SLC4A7: variants seen among roughly 807,000 people sequenced by gnomAD.
The protein encoded by SLC4A7 is sodium bicarbonate cotransporter 3.
In SLC4A7, 51 loss-of-function variants were observed where a neutral mutation model predicts 137.6. The ratio of observed to expected loss-of-function variants is 0.37; its 90% confidence interval spans 0.30 to 0.47. SLC4A7 has a LOEUF of 0.47. SLC4A7 is among the 20% of genes least tolerant of loss of function. The pLI, the probability that SLC4A7 is intolerant of heterozygous loss-of-function variation, is 1.00. For missense variants in SLC4A7, 1,247 were observed against 1,525.4 expected, an observed-to-expected ratio of 0.82 and a Z score of 3.04; for synonymous variants, 542 against 518.6, an observed-to-expected ratio of 1.05 and a Z score of -0.61.
At position 27,451,517 on chromosome 3, in the gene SLC4A7, C is replaced by T. The variant is rs552058460; in HGVS notation, c.142+900G>A. Among the ~76,000 whole-genome samples the T allele has an allele frequency of 6.6e-5, 10 of 152,112 alleles. No individual in the cohort carries two copies. The South Asian group carries it at 1.9e-3, about 28-fold the overall frequency. ...ACTCATGCCAAAACATCAGACTAAA[C>T]CCAAACTGAGAAACACTGTACAAAA... On this transcript the variant is annotated intron_variant, in intron 2 of 25. Transcript: ENST00000454389.
chr3:27,419,091 A>G (rs1423521776), intron 10 of SLC4A7, among the ~76,000 whole-genome samples: 3 of 152,204 alleles, frequency 2.0e-5, no homozygotes, highest in African/African-American at 4.8e-5. Flanking sequence ...GGATAATGCA[A>G]TGGTGACAGG....
chr3:27,401,301 T>C (rs1171623208), intron 15 of SLC4A7, among the ~76,000 whole-genome samples: 1 of 152,084 alleles, frequency 6.6e-6, no homozygotes, highest in Non-Finnish European at 1.5e-5. Flanking sequence ...CCCTACCTAC[T>C]CACAGTCACC....
chr3:27,441,900 C>CT (rs527582749), intron 3 of SLC4A7, among the ~76,000 whole-genome samples: 432 of 144,302 alleles, frequency 3.0e-3, no homozygotes, highest in African/African-American at 5.5e-3. Context: ...ATTAGTTTGA[C>CT]TTTTTTTTTT....
intron 7 of SLC4A7, among the ~76,000 whole-genome samples, chr3:27,425,262 T>G (rs2055438479): frequency 6.7e-6 from 1 of 149,792 alleles, no homozygotes; most frequent in South Asian, 2.1e-4. Flanking sequence ...CCCAGCTATT[T>G]GGGAGGTTGA....
chr3:27,381,855 G>A (rs1407906888), intron 24 of SLC4A7, among the ~76,000 whole-genome samples: 2 of 152,164 alleles, frequency 1.3e-5, no homozygotes, highest in East Asian at 1.9e-4. Flanking sequence ...GGAGGCCAAG[G>A]CAGGCGGATC....
intron 18 of SLC4A7, 152 bp downstream of exon 18, chr3:27,397,532 T>C (rs2052315526): frequency 1.7e-6 from 1 of 584,098 alleles, no homozygotes. Context: ...TATATACATA[T>C]GAAAAACACA....
intron 24 of SLC4A7, among the ~76,000 whole-genome samples, chr3:27,380,731 G>T (rs957420936): frequency 6.6e-6 from 1 of 152,126 alleles, no homozygotes; most frequent in Non-Finnish European, 1.5e-5. Flanking sequence ...TCTATGAATG[G>T]CTTCTTTACC....
chr3:27,421,747 C>G lies in SLC4A7; in HGVS notation c.1299G>C (p.Thr433=), dbSNP rs746878652. 14 of 1,612,728 alleles carry G rather than the reference C, an allele frequency of 8.7e-6. No homozygotes were observed. The highest frequency in any genetic ancestry group is 1.2e-5 in the Non-Finnish European group (14 of 1,179,198). The change falls in exon 9 of 26, where the codon ACG becomes ACC. Residue 433 remains threonine (T), a synonymous_variant. Coordinates refer to ENST00000454389, the MANE Select transcript of SLC4A7 (RefSeq NM_001321103.2). The part of the protein sequence containing the change: ...VDMNFMRKIP[T]GAEASNVLVG... Reference sequence around the variant, plus strand: ...CCAGGACGTTGGATGCCTCAGCACCCGTAGGAATTTTTCTCATGAAATTCA... The same window carrying G: ...CCAGGACGTTGGATGCCTCAGCACCGGTAGGAATTTTTCTCATGAAATTCA...
intron 1 of SLC4A7, among the ~76,000 whole-genome samples, chr3:27,461,208 G>GCA (rs57056562): frequency 0.073 from 10,943 of 149,918 alleles, 849 homozygotes; most frequent in African/African-American, 0.2. Context: ...CATCCAATTA[G>GCA]CACACACACA....
At chr3:27,411,818 G>T in intron 11 of SLC4A7, 70 bp from the exon 12 acceptor site, 1 of 639,240 alleles carries the variant, frequency 1.6e-6, no homozygotes, top group Non-Finnish European at 2.5e-6. Context: ...TCTTCAATTA[G>T]AGTGAATATC....
At chr3:27,378,023 G>C (rs757070424) in intron 25 of SLC4A7, among the ~76,000 whole-genome samples, 1 of 152,176 alleles carries the variant, frequency 6.6e-6, no homozygotes, top group Admixed American at 6.5e-5. Context: ...AACAAGGCCA[G>C]AGGTGCTGAC....
intron 8 of SLC4A7, chr3:27,423,741 C>T (rs183920555): frequency 7.0e-4 from 173 of 247,216 alleles, no homozygotes; most frequent in African/African-American, 3.7e-3. Context: ...AAAGTACTGA[C>T]GTTTCACGAT....
chr3:27,432,901 C>T (rs2056428630), intron 6 of SLC4A7, among the ~76,000 whole-genome samples: 1 of 152,096 alleles, frequency 6.6e-6, no homozygotes, highest in Non-Finnish European at 1.5e-5. Flanking sequence ...TTAAAATGCG[C>T]TATACATTGG....
chr3:27,449,709 G>T (rs1286836441), intron 2 of SLC4A7, among the ~76,000 whole-genome samples: 1 of 152,144 alleles, frequency 6.6e-6, no homozygotes, highest in Non-Finnish European at 1.5e-5. Context: ...ACAGAGCTAG[G>T]AGCACTATGT....
At chr3:27,479,010 A>G (rs1209131694) in intron 1 of SLC4A7, among the ~76,000 whole-genome samples, 2 of 151,112 alleles carry the variant, frequency 1.3e-5, no homozygotes, top group African/African-American at 2.4e-5. Flanking sequence ...TGTCTCAGGA[A>G]AAAAAAAAAC....
At chr3:27,383,652 G>T (rs868434589) in intron 23 of SLC4A7, among the ~76,000 whole-genome samples, 17 of 152,138 alleles carry the variant, frequency 1.1e-4, no homozygotes, top group African/African-American at 4.1e-4. Flanking sequence ...CTGACATTTA[G>T]GGTATAATAT....
At chr3:27,434,227 G>A in intron 5 of SLC4A7, 123 bp from the exon 6 acceptor site, 1 of 602,144 alleles carries the variant, frequency 1.7e-6, no homozygotes, top group East Asian at 3.0e-5. Context: ...GTTTTATTCT[G>A]TCACAAATAA....
intron 3 of SLC4A7, among the ~76,000 whole-genome samples, chr3:27,446,612 G>A (rs560148771): frequency 9.5e-4 from 145 of 152,174 alleles, no homozygotes; most frequent in African/African-American, 3.3e-3. Flanking sequence ...TTTTTACTCA[G>A]TATGAATTAG....
In SLC4A7 at chr3:27,424,155, A is replaced by G. The variant is rs756812547; in HGVS notation, c.1151-3T>C. ...AGACTGGGGAGAGGCCAAAATACCT[A>G]TGTTTAAAGACAAATTCCAAATTAG... On this transcript the variant is annotated splice_polypyrimidine_tract_variant and splice_region_variant and intron_variant, in intron 7 of 25. Transcript: ENST00000454389. 12 of 1,489,972 alleles carry G rather than the reference A, an allele frequency of 8.1e-6. No homozygotes were observed. Among genetic ancestry groups the G allele is most frequent in the Middle Eastern group, 3.5e-4 (2 of 5,784 alleles). 92.3% of individuals were successfully genotyped at this position (1,489,972 alleles called of 1,614,324 possible).
Sources: gnomAD v4.1 joint callset for allele counts (sites outside exome capture counted in the v4.1 genomes callset) on GRCh38, gnomAD v4.1.1 for gene constraint, MANE v1.5 for transcripts, NCBI Gene and HGNC (gene_info 2026-07-23, HGNC 2026-07-21) for gene names.